Variants in APBB2 observed in about 807,000 individuals in gnomAD.
APBB2 encodes the protein Fe65-like 1.
In APBB2, 38 loss-of-function variants were observed where a neutral mutation model predicts 82.5. The observed-to-expected ratio is 0.46, with a 90% CI of 0.36 to 0.60. The LOEUF (loss-of-function observed/expected upper bound fraction) is 0.60. Ranked by LOEUF, APBB2 falls within the 20% of genes least tolerant of loss-of-function variation. APBB2 has a pLI of 0.00. For synonymous variants in APBB2, 341 were observed against 368.2 expected, an observed-to-expected ratio of 0.93 and a Z score of 0.85; for missense variants, 772 against 972.3, an observed-to-expected ratio of 0.79 and a Z score of 2.74.
At chr4:41,098,149 G>A (rs569854205) in intron 3 of APBB2, among the ~76,000 whole-genome samples, 6 of 151,502 alleles carry the variant, frequency 4.0e-5, no homozygotes, top group African/African-American at 1.2e-4. Context: ...ATCCTTCTGC[G>A]TATATAAATA....
At chr4:41,183,200 T>C (rs1251261087) in intron 1 of APBB2, among the ~76,000 whole-genome samples, 1 of 152,184 alleles carries the variant, frequency 6.6e-6, no homozygotes, top group African/African-American at 2.4e-5. Flanking sequence ...CCGCCCTCTC[T>C]AGCACCCTGG....
intron 2 of APBB2, among the ~76,000 whole-genome samples, chr4:41,141,684 T>A (rs1848371): frequency 5.9e-5 from 9 of 152,244 alleles, no homozygotes; most frequent in Non-Finnish European, 4.4e-5. Context: ...TTAAGTTCCA[T>A]GTGGCTGGGG....
chr4:40,988,581 T>G (rs1236803003), intron 6 of APBB2, among the ~76,000 whole-genome samples: 1 of 129,386 alleles, frequency 7.7e-6, no homozygotes, highest in East Asian at 2.3e-4. Flanking sequence ...GAGATTGAAG[T>G]GAGCCAAGAT....
At chr4:40,958,609 C>T (rs1484766300) in intron 6 of APBB2, among the ~76,000 whole-genome samples, 1 of 152,152 alleles carries the variant, frequency 6.6e-6, no homozygotes, top group African/African-American at 2.4e-5. Context: ...ATCTCTCTCC[C>T]TTTCTTCCTT....
At chr4:41,088,718 G>A (rs1025607590) in intron 3 of APBB2, among the ~76,000 whole-genome samples, 1 of 152,208 alleles carries the variant, frequency 6.6e-6, no homozygotes, top group African/African-American at 2.4e-5. Context: ...AGTGAGGAAT[G>A]GGTCTAGGCC....
At chr4:40,938,073 G>A (rs1338484487) in intron 7 of APBB2, among the ~76,000 whole-genome samples, 2 of 152,192 alleles carry the variant, frequency 1.3e-5, no homozygotes, top group African/African-American at 4.8e-5. Flanking sequence ...ACACAAAGAT[G>A]GGGAAAGAGG....
chr4:40,857,339 T>C (rs1481594917), intron 12 of APBB2: 1 of 207,962 alleles, frequency 4.8e-6, no homozygotes, highest in East Asian at 1.8e-4. Flanking sequence ...GCAAGGAGGA[T>C]CCCCCACCCC....
At position 41,160,031 on chromosome 4, in the gene APBB2, A is replaced by G. The variant is rs79841578; in HGVS notation, c.-416-16889T>C. Among the ~76,000 whole-genome samples the G allele has an allele frequency of 4.7e-4, 69 of 147,304 alleles. No individual in the cohort carries two copies. The East Asian group carries it at 0.011, about 25-fold the overall frequency. ...AAGAAGAAGAAGAAGAAGAAGAAGA[A>G]GAAGAAAACATCACAGGATGCTGTT... On this transcript the variant is annotated intron_variant, in intron 1 of 17. Coordinates refer to ENST00000508593, the MANE Select transcript of APBB2 (RefSeq NM_004307.2).
chr4:41,177,835 G>A (rs1770242958), intron 1 of APBB2: 1 of 152,164 alleles, frequency 6.6e-6, no homozygotes. Flanking sequence ...TCATATTTGA[G>A]AATATTTGCA....
At chr4:41,131,701 A>G (rs1262147008) in intron 2 of APBB2, among the ~76,000 whole-genome samples, 2 of 152,192 alleles carry the variant, frequency 1.3e-5, no homozygotes, top group Non-Finnish European at 2.9e-5. Context: ...ACGTTTCTAA[A>G]ATTCTTATGA....
At chr4:41,083,393 A>G (rs1488488526) in intron 3 of APBB2, among the ~76,000 whole-genome samples, 3 of 152,032 alleles carry the variant, frequency 2.0e-5, no homozygotes, top group Non-Finnish European at 4.4e-5. Flanking sequence ...AACTTTTTCT[A>G]AAACTGTTAC....
chr4:40,907,839 GT>G lies in APBB2; in HGVS notation c.1255-14429del, dbSNP rs530498609. 1.3e-4 allele frequency among the ~76,000 whole-genome samples: 19 copies of G among 146,164 alleles called. No homozygotes were observed. In the South Asian group the frequency reaches 2.2e-3, roughly 17 times the overall value. Reference sequence around the variant, plus strand: ...ATGCCTGCTAATTAAAAAAAGGTGGGTTTTTTTTTTGTAGAAATGGAGTTTC... The same window carrying G: ...ATGCCTGCTAATTAAAAAAAGGTGGGTTTTTTTTTGTAGAAATGGAGTTTC... On this transcript the variant is annotated intron_variant, in intron 10 of 17. Coordinates refer to ENST00000508593, the MANE Select transcript of APBB2 (RefSeq NM_004307.2).
chr4:41,047,326 T>C (rs1458050552), intron 4 of APBB2, among the ~76,000 whole-genome samples: 1 of 152,240 alleles, frequency 6.6e-6, no homozygotes, highest in Non-Finnish European at 1.5e-5. Flanking sequence ...ATGCCAGAGA[T>C]TGTTAACTGA....
chr4:40,895,743 C>T (rs1209846878), intron 10 of APBB2, among the ~76,000 whole-genome samples: 1 of 152,122 alleles, frequency 6.6e-6, no homozygotes, highest in Non-Finnish European at 1.5e-5. Context: ...TCACAGTGTC[C>T]CAGCTGACTC....
At chr4:41,159,987 G>A (rs1449552057) in intron 1 of APBB2, among the ~76,000 whole-genome samples, 3 of 145,520 alleles carry the variant, frequency 2.1e-5, no homozygotes, top group African/African-American at 7.9e-5. Context: ...AGAAGAAGAA[G>A]AAGAAGAAGA....
chr4:40,816,120 T>C lies in APBB2; in HGVS notation c.2252A>G (p.Gln751Arg), dbSNP rs773471496. The C allele has an allele frequency of 2.5e-5, 40 of 1,613,890 alleles. No individual in the cohort carries two copies. The highest frequency in any genetic ancestry group is 3.3e-5 in the Non-Finnish European group (39 of 1,179,890). The part of the protein sequence containing the change: ...GVLSLIDTLK[Q>R]KRPVTEMP ...TGGCATTTCGGTGACAGGGCGTTTC[T>C]GTTTCAAAGTGTCAATGAGGGATAA... Residue 751 changes from glutamine (Q) to arginine (R), a missense_variant, in exon 18 of 18, where the codon CAG (glutamine) becomes CGG (arginine). Transcript: ENST00000508593.
chr4:41,015,896 G>A (rs1225869976), intron 5 of APBB2, among the ~76,000 whole-genome samples: 1 of 151,840 alleles, frequency 6.6e-6, no homozygotes, highest in Non-Finnish European at 1.5e-5. Flanking sequence ...GAAGGTTTCT[G>A]CCTTTTAAAC....
chr4:41,193,668 A>T, intron 1 of APBB2: 2 of 545,138 alleles, frequency 3.7e-6, no homozygotes, highest in Non-Finnish European at 4.7e-6. Context: ...AGTTGGATAC[A>T]GAACCACCAC....
At chr4:40,825,378 G>C (rs935435844) in intron 15 of APBB2, among the ~76,000 whole-genome samples, 33 of 152,170 alleles carry the variant, frequency 2.2e-4, no homozygotes, top group African/African-American at 7.5e-4. Flanking sequence ...TTTAGCCCTG[G>C]TGAAGGCTTC....
Sources: gnomAD v4.1 joint callset for allele counts (sites outside exome capture counted in the v4.1 genomes callset) on GRCh38, gnomAD v4.1.1 for gene constraint, MANE v1.5 for transcripts, NCBI Gene and HGNC (gene_info 2026-07-23, HGNC 2026-07-21) for gene names.